Variants in EDNRB observed in about 807,000 individuals in gnomAD.
EDNRB encodes endothelin receptor type B, also known as Hirschsprung disease 2.
EDNRB carries 18 observed loss-of-function variants against 46.4 expected under a neutral mutation model. That is an observed-to-expected ratio of 0.39 (90% CI 0.27 to 0.57). The LOEUF is 0.57. Among genes scored for constraint, EDNRB ranks in the 20% least tolerant of loss-of-function variants. The pLI, the probability that EDNRB is intolerant of heterozygous loss-of-function variation, is 0.61. For missense variants in EDNRB, 434 were observed against 537.5 expected (o/e 0.81, Z 1.90); for synonymous variants, 213 against 204.9 (o/e 1.04, Z -0.34).
chr13:77,927,141 CTATT>C (rs1194553303), intron 1 of EDNRB, among the ~76,000 whole-genome samples: 4 of 152,146 alleles, frequency 2.6e-5, no homozygotes, highest in Non-Finnish European at 5.9e-5. Context: ...ACATCCCTAT[CTATT>C]TATCTTCTCT....
intron 1 of EDNRB, 33 bp from the exon 2 acceptor site, chr13:77,903,640 G>C: frequency 3.8e-6 from 6 of 1,577,488 alleles, no homozygotes; most frequent in Non-Finnish European, 5.2e-6. Flanking sequence ...TCTGTTAGGG[G>C]GTTTCATAAG....
At chr13:77,902,926 G>T (rs1414824956) in intron 3 of EDNRB, among the ~76,000 whole-genome samples, 1 of 151,848 alleles carries the variant, frequency 6.6e-6, no homozygotes, top group African/African-American at 2.4e-5. Flanking sequence ...TGTGGACCTG[G>T]TTTATCTATG....
At chr13:77,965,180 G>C (rs116069035) in intron 1 of EDNRB, among the ~76,000 whole-genome samples, 20 of 152,264 alleles carry the variant, frequency 1.3e-4, no homozygotes, top group African/African-American at 4.8e-4. Context: ...ATTATCAATA[G>C]ACAACTCAGT....
intron 1 of EDNRB, among the ~76,000 whole-genome samples, chr13:77,928,691 C>A (rs1389380859): frequency 6.6e-6 from 1 of 152,114 alleles, no homozygotes; most frequent in Non-Finnish European, 1.5e-5. Context: ...CACAGCTTCT[C>A]TGAAGTCAAG....
intron 1 of EDNRB, among the ~76,000 whole-genome samples, chr13:77,941,001 G>A (rs886184627): frequency 1.3e-5 from 2 of 152,202 alleles, no homozygotes; most frequent in Non-Finnish European, 2.9e-5. Flanking sequence ...AAGCTACAAT[G>A]ATTTCAGTTT....
intron 1 of EDNRB, among the ~76,000 whole-genome samples, chr13:77,933,503 G>A (rs976962360): frequency 2.6e-5 from 4 of 152,118 alleles, no homozygotes; most frequent in Non-Finnish European, 5.9e-5. Context: ...CATCAGTTAA[G>A]GCAGGAACAG....
At chr13:77,959,384 A>T (rs1225419335) in intron 1 of EDNRB, among the ~76,000 whole-genome samples, 2 of 152,352 alleles carry the variant, frequency 1.3e-5, no homozygotes, top group East Asian at 3.9e-4. Flanking sequence ...GCTGTTCAGC[A>T]ATATTCGCTG....
At chr13:77,939,482 A>T (rs140042839) in intron 1 of EDNRB, 1 of 152,192 alleles carries the variant, frequency 6.6e-6, no homozygotes, top group Non-Finnish European at 1.5e-5. Context: ...TATTTGCCAA[A>T]ATAATACTTT....
chr13:77,934,690 G>GGT (rs1555293299), intron 1 of EDNRB, among the ~76,000 whole-genome samples: 9 of 147,684 alleles, frequency 6.1e-5, no homozygotes, highest in East Asian at 2.1e-4. Context: ...GGGGGGGGGG[G>GGT]GCCTGAATAG....
chr13:77,938,705 A>C (rs4476058), intron 1 of EDNRB, among the ~76,000 whole-genome samples: 149,462 of 152,098 alleles, frequency 0.98, 73,499 homozygotes, highest in East Asian at 1. Flanking sequence ...TTTGTCTCTA[A>C]CAGAAAATAA....
intron 1 of EDNRB, among the ~76,000 whole-genome samples, chr13:77,959,758 C>T (rs571925952): frequency 2.6e-5 from 4 of 152,258 alleles, no homozygotes; most frequent in East Asian, 1.9e-4. Context: ...GGAGGAAGTT[C>T]GAACCCATCA....
At chr13:77,909,721 A>C (rs1046535009) in intron 1 of EDNRB, among the ~76,000 whole-genome samples, 5 of 152,090 alleles carry the variant, frequency 3.3e-5, no homozygotes, top group Non-Finnish European at 7.4e-5. Flanking sequence ...TTAAGTAACG[A>C]TGAACGGATG....
chr13:77,973,304 T>C (rs1281522496), intron 1 of EDNRB, among the ~76,000 whole-genome samples: 1 of 152,222 alleles, frequency 6.6e-6, no homozygotes. Context: ...TTTATATTAA[T>C]GTGTTATTAA....
chr13:77,910,640 A>G (rs1203809641), intron 1 of EDNRB, among the ~76,000 whole-genome samples: 1 of 152,022 alleles, frequency 6.6e-6, no homozygotes, highest in African/African-American at 2.4e-5. Flanking sequence ...GCCCTTAATC[A>G]CTTAAAGATT....
chr13:77,931,018 G>T (rs1880380358), intron 1 of EDNRB, among the ~76,000 whole-genome samples: 1 of 152,158 alleles, frequency 6.6e-6, no homozygotes, highest in Non-Finnish European at 1.5e-5. Context: ...AAGCCAAAGA[G>T]AAACAGGAAT....
At chr13:77,946,339 G>GC (rs1880915034) in intron 1 of EDNRB, among the ~76,000 whole-genome samples, 1 of 152,184 alleles carries the variant, frequency 6.6e-6, no homozygotes, top group African/African-American at 2.4e-5. Context: ...GTACAGAGGA[G>GC]ATACGGAAGG....
intron 1 of EDNRB, among the ~76,000 whole-genome samples, chr13:77,937,211 T>C (rs1156518157): frequency 1.3e-5 from 2 of 152,132 alleles, no homozygotes; most frequent in Non-Finnish European, 2.9e-5. Context: ...AATTAACAGG[T>C]TTGTAAGCTG....
chr13:77,960,957 A>T (rs542092927), intron 1 of EDNRB, among the ~76,000 whole-genome samples: 11 of 152,274 alleles, frequency 7.2e-5, no homozygotes, highest in African/African-American at 2.6e-4. Context: ...AGGCCATTAC[A>T]TAATGGTAAA....
Position 77,937,475 on chromosome 13 carries a change from T to C in EDNRB, c.-51-18851A>G, listed in dbSNP as rs72481792. 3.9e-5 allele frequency among the ~76,000 whole-genome samples: 6 copies of C among 152,318 alleles called. No homozygotes were observed. The East Asian group carries it at 1.2e-3, about 29-fold the overall frequency. On this transcript the variant is annotated intron_variant, in intron 1 of 7. Coordinates refer to the EDNRB transcript ENST00000646948. Reference sequence around the variant, plus strand: ...TCCAGGTTAAACTGTAGGACAGAGTTAGATATTGGAATTCCTGTATATATT... The same window carrying C: ...TCCAGGTTAAACTGTAGGACAGAGTCAGATATTGGAATTCCTGTATATATT...
Sources: gnomAD v4.1 joint callset for allele counts (sites outside exome capture counted in the v4.1 genomes callset) on GRCh38, gnomAD v4.1.1 for gene constraint, MANE v1.5 for transcripts, NCBI Gene and HGNC (gene_info 2026-07-23, HGNC 2026-07-21) for gene names.